Variants in ADAMTSL1 observed in about 807,000 individuals in gnomAD.
The protein encoded by ADAMTSL1 is ADAMTS-like protein 1.
ADAMTSL1 carries 126 observed loss-of-function variants against 201.8 expected under a neutral mutation model. The observed-to-expected ratio is 0.62, with a 90% confidence interval of 0.54 to 0.72. ADAMTSL1 has a LOEUF of 0.72. Among genes scored for constraint, ADAMTSL1 ranks in the 30% least tolerant of loss-of-function variants. ADAMTSL1 has a pLI of 0.00. For missense variants in ADAMTSL1, 2,679 were observed against 2,277.8 expected (o/e 1.18, Z -3.59); for synonymous variants, 1,121 against 903.4 (o/e 1.24, Z -4.32).
intron 1 of ADAMTSL1, among the ~76,000 whole-genome samples, chr9:17,978,769 AT>A (rs113667113): frequency 1.3e-5 from 2 of 151,638 alleles, no homozygotes; most frequent in African/African-American, 4.8e-5. Flanking sequence ...TTTACCATTG[AT>A]TTTTTTTACC....
intron 2 of ADAMTSL1, among the ~76,000 whole-genome samples, chr9:18,403,251 T>G (rs547214273): frequency 2.3e-4 from 35 of 152,260 alleles, no homozygotes; most frequent in Non-Finnish European, 4.3e-4. Flanking sequence ...TAGCATGATC[T>G]TGGCTCACTG....
chr9:18,674,670 T>C (rs1172983467), intron 9 of ADAMTSL1, among the ~76,000 whole-genome samples: 1 of 152,086 alleles, frequency 6.6e-6, no homozygotes, highest in Non-Finnish European at 1.5e-5. Flanking sequence ...CATATTTATA[T>C]TGAATATATC....
upstream of ADAMTSL1, chr9:18,474,095 T>G: frequency 8.4e-5 from 33 of 394,174 alleles, no homozygotes; most frequent in East Asian, 2.0e-4. Context: ...CACCCCTCGG[T>G]CAGGAAATGT....
intron 1 of ADAMTSL1, among the ~76,000 whole-genome samples, chr9:17,966,251 G>T (rs958628200): frequency 6.6e-6 from 1 of 152,142 alleles, no homozygotes; most frequent in Non-Finnish European, 1.5e-5. Context: ...AGTAAGTATA[G>T]TAAGTGCTAT....
At chr9:18,211,375 T>C (rs1227592687) in intron 2 of ADAMTSL1, among the ~76,000 whole-genome samples, 3 of 152,204 alleles carry the variant, frequency 2.0e-5, no homozygotes, top group Non-Finnish European at 4.4e-5. Flanking sequence ...TCAAGACCCA[T>C]TTAATTTCAT....
chr9:18,586,082 T>C (rs921017135), intron 4 of ADAMTSL1, among the ~76,000 whole-genome samples: 4 of 152,198 alleles, frequency 2.6e-5, no homozygotes, highest in Non-Finnish European at 4.4e-5. Flanking sequence ...TTGGAAGTGC[T>C]GGCCAGAGCA....
At chr9:18,067,929 G>T (rs1020366141) in intron 1 of ADAMTSL1, among the ~76,000 whole-genome samples, 1 of 152,180 alleles carries the variant, frequency 6.6e-6, no homozygotes, top group African/African-American at 2.4e-5. Context: ...GGGGTGGGCT[G>T]ACAGTGAGCA....
intron 2 of ADAMTSL1, among the ~76,000 whole-genome samples, chr9:18,512,965 A>G (rs1818123107): frequency 6.6e-6 from 1 of 152,194 alleles, no homozygotes; most frequent in Non-Finnish European, 1.5e-5. Flanking sequence ...ATCTCTACAA[A>G]AGAATTGGGA....
At chr9:18,663,007 A>AAATCATACT (rs1457509657) in intron 9 of ADAMTSL1, among the ~76,000 whole-genome samples, 1 of 152,196 alleles carries the variant, frequency 6.6e-6, no homozygotes, top group African/African-American at 2.4e-5. Flanking sequence ...TTATTTTTTA[A>AAATCATACT]AATCATACTA....
At chr9:18,563,085 G>A (rs1274344547) in intron 3 of ADAMTSL1, among the ~76,000 whole-genome samples, 3 of 152,204 alleles carry the variant, frequency 2.0e-5, no homozygotes, top group Non-Finnish European at 2.9e-5. Flanking sequence ...ATCCTTTGGA[G>A]AAGAGTCATT....
intron 1 of ADAMTSL1, among the ~76,000 whole-genome samples, chr9:18,099,349 ATATAT>A (rs1200785129): frequency 2.0e-5 from 1 of 49,296 alleles, no homozygotes; most frequent in East Asian, 3.3e-4. Flanking sequence ...ATATATATAT[ATATAT>A]ATTTTTTTTT....
At chr9:18,885,455 A>G (rs1275491252) in intron 23 of ADAMTSL1, among the ~76,000 whole-genome samples, 4 of 152,186 alleles carry the variant, frequency 2.6e-5, no homozygotes, top group South Asian at 4.1e-4. Flanking sequence ...TGCTGTTGTG[A>G]GTGAACTTGT....
chr9:18,030,074 G>C (rs1820878879), intron 1 of ADAMTSL1, among the ~76,000 whole-genome samples: 1 of 152,148 alleles, frequency 6.6e-6, no homozygotes, highest in Non-Finnish European at 1.5e-5. Context: ...TATAAATCCT[G>C]CTGCTATAAA....
intron 11 of ADAMTSL1, chr9:18,680,722 T>C: frequency 1.7e-6 from 1 of 583,812 alleles, no homozygotes; most frequent in Non-Finnish European, 3.0e-6. Flanking sequence ...TTCTTCAAGT[T>C]TCTTCAAGAA....
At chr9:18,820,069 C>A (rs1224988759) in intron 21 of ADAMTSL1, among the ~76,000 whole-genome samples, 1 of 152,240 alleles carries the variant, frequency 6.6e-6, no homozygotes. Flanking sequence ...GCACCAATAA[C>A]ACTGCCAGTA....
At chr9:18,553,792 C>G (rs1258015737) in intron 3 of ADAMTSL1, among the ~76,000 whole-genome samples, 1 of 151,816 alleles carries the variant, frequency 6.6e-6, no homozygotes, top group Non-Finnish European at 1.5e-5. Context: ...AGCCAGCTGT[C>G]ATTCTAATTT....
rs758202534 is a variant in ADAMTSL1, at chr9:18,775,859, T to C, written c.2514T>C (p.Ser838=). 7.5e-6 allele frequency: 12 copies of C among 1,603,402 alleles called. No individual in the cohort carries two copies. In the South Asian group the frequency reaches 1.4e-4, roughly 18 times the overall value. ...CCCTGTGCCCGCCCCTGCCTTTCTC[T>C]TCCTCCATCAGGCCCTGTATGCTGG... is the stretch of plus-strand genomic sequence containing the variant. ...NSTLCPPLPF[S]SSIRPCMLAT... The change falls in exon 18 of 29, where the codon TCT becomes TCC. Residue 838 remains serine, a synonymous_variant. Transcript: ENST00000380548.
chr9:18,891,132 C>G (rs528027668), intron 25 of ADAMTSL1, among the ~76,000 whole-genome samples: 1 of 126,390 alleles, frequency 7.9e-6, no homozygotes, highest in East Asian at 1.9e-4. Context: ...ATTTGCTCCC[C>G]TTCCCTGCTA....
At chr9:18,687,860 A>T (rs1033291193) in intron 13 of ADAMTSL1, among the ~76,000 whole-genome samples, 1 of 152,232 alleles carries the variant, frequency 6.6e-6, no homozygotes, top group African/African-American at 2.4e-5. Flanking sequence ...AACAGCCAAC[A>T]TTGTGGTTGC....
Sources: allele counts gnomAD v4.1 joint callset (sites outside exome capture counted in the v4.1 genomes callset), GRCh38; gene constraint gnomAD v4.1.1; transcripts MANE v1.5; gene names NCBI Gene and HGNC (gene_info 2026-07-23, HGNC 2026-07-21).